CEP192: variants seen among roughly 807,000 people sequenced by gnomAD.
CEP192 encodes centrosomal protein 192.
In CEP192, 151 loss-of-function variants were observed where a neutral mutation model predicts 271.8. The ratio of observed to expected loss-of-function variants is 0.56; its 90% CI spans 0.49 to 0.64. CEP192 has a LOEUF of 0.64. Ranked by LOEUF, CEP192 falls within the 30% of genes least tolerant of loss-of-function variation. CEP192 has a pLI of 0.00. For synonymous variants in CEP192, 995 were observed against 1,076.5 expected, an observed-to-expected ratio of 0.92 and a Z score of 1.48; for missense variants, 2,910 against 3,020.5, an observed-to-expected ratio of 0.96 and a Z score of 0.86.
rs745558971 is a variant in CEP192, at chr18:13,113,634, T to G, written c.7096T>G (p.Trp2366Gly). 6.8e-6 allele frequency: 11 copies of G among 1,613,426 alleles called. No homozygotes were observed. Among genetic ancestry groups the G allele is most frequent in the Non-Finnish European group, 9.3e-6 (11 of 1,179,500 alleles). Residue 2366 changes from tryptophan to glycine, a missense_variant, in exon 41 of 45, where the codon TGG (tryptophan) becomes GGG (glycine). Physicochemically the swap from Trp to Gly is radical, Grantham distance 184. Transcript: ENST00000506447. ...AGGTAGGGGGGATTATGCCCAGTTT[T>G]GGGATGTTGAATGTCACCCTCTTAA... ...PRGRGDYAQF[W>G]DVECHPLKEP...
chr18:13,067,892 C>G lies in CEP192; in HGVS notation c.4550C>G (p.Ala1517Gly). The G allele has an allele frequency of 2.5e-6, 4 of 1,612,220 alleles. No individual in the cohort carries two copies. Among genetic ancestry groups the G allele is most frequent in the Non-Finnish European group, 3.4e-6 (4 of 1,178,342 alleles). The change falls in exon 22 of 45, where the codon GCC (alanine) becomes GGC (glycine). Residue 1517 changes from alanine (A) to glycine (G), a missense_variant. Coordinates refer to ENST00000506447, the MANE Select transcript of CEP192 (RefSeq NM_032142.4). ...FGDLTYGGWK[A>G]LPLKLINRTH... Reference sequence around the variant, plus strand: ...GACTTGACTTATGGAGGCTGGAAAGCCCTCCCACTAAAATTGATAAACCGA... The same window carrying G: ...GACTTGACTTATGGAGGCTGGAAAGGCCTCCCACTAAAATTGATAAACCGA...
At chr18:13,019,985 A>G (rs2034892905) in intron 9 of CEP192, among the ~76,000 whole-genome samples, 1 of 151,784 alleles carries the variant, frequency 6.6e-6, no homozygotes, top group Non-Finnish European at 1.5e-5. Flanking sequence ...TAATTTTTGT[A>G]TTTTTAGTAG....
intron 12 of CEP192, 131 bp from the exon 13 acceptor site, chr18:13,038,237 ATT>A: frequency 1.1e-5 from 6 of 570,036 alleles, no homozygotes; most frequent in African/African-American, 2.0e-5. Flanking sequence ...AGTTTGTCCA[ATT>A]TTTTTTTTGT....
At position 12,999,410 on chromosome 18, in the gene CEP192, T is replaced by C. The variant is rs1404118388; in HGVS notation, c.-4-11T>C. 2.0e-6 allele frequency: 3 copies of C among 1,513,850 alleles called. No homozygotes were observed. The highest frequency in any genetic ancestry group is 2.7e-6 in the Non-Finnish European group (3 of 1,127,508). The allele number at this position is 1,513,850 out of a possible 1,614,324, so 93.8% of individuals were successfully genotyped here. On this transcript the variant is annotated splice_polypyrimidine_tract_variant and intron_variant, in intron 1 of 44. Coordinates refer to ENST00000506447, the MANE Select transcript of CEP192 (RefSeq NM_032142.4). ...AATATGTGACCTATAGAAATACTTT[T>C]GTTATTGCAGTGAGATGGAAGATTT...
At position 13,025,534 on chromosome 18, in the gene CEP192, C is replaced by A. The variant is rs146842892; in HGVS notation, c.1051-4129C>A. 5.9e-3 allele frequency among the ~76,000 whole-genome samples: 902 copies of A among 152,234 alleles called. 9 individuals are homozygous for A. The highest frequency in any genetic ancestry group is 0.021 in the African/African-American group (867 of 41,524). On this transcript the variant is annotated intron_variant, in intron 9 of 44. Coordinates refer to ENST00000506447, the MANE Select transcript of CEP192 (RefSeq NM_032142.4). ...GCCTGGTCTCTTTGTGGTCTTAATT[C>A]AGCATTTTATATGATTCCATTTTCT...
chr18:13,091,688 A>G (rs564544770), intron 33 of CEP192, among the ~76,000 whole-genome samples: 1 of 152,294 alleles, frequency 6.6e-6, no homozygotes, highest in African/African-American at 2.4e-5. Context: ...TTCCATGTCA[A>G]AATATATGAC....
At chr18:13,067,714 A>T in intron 21 of CEP192, 117 bp from the exon 22 acceptor site, 1 of 721,784 alleles carries the variant, frequency 1.4e-6, no homozygotes. Flanking sequence ...AAATGTAGGT[A>T]AGTTTTACTT....
At position 13,019,820 on chromosome 18, in the gene CEP192, T is replaced by C. The variant is rs183168326; in HGVS notation, c.1050+614T>C. Among the ~76,000 whole-genome samples the C allele has an allele frequency of 7.9e-5, 12 of 152,078 alleles. No individual in the cohort carries two copies. The East Asian group carries it at 2.3e-3, about 29-fold the overall frequency. On this transcript the variant is annotated intron_variant, in intron 9 of 44. Transcript: ENST00000506447. ...ATACATATAAAATTTACTATCTTAA[T>C]CTTTTTTTTTTTTCTTTTTGAGACA...
chr18:13,045,151 C>T (rs2036407339), intron 15 of CEP192, among the ~76,000 whole-genome samples: 1 of 152,006 alleles, frequency 6.6e-6, no homozygotes, highest in African/African-American at 2.4e-5. Flanking sequence ...TTAATCTCAC[C>T]AGATACTTTC....
intron 3 of CEP192, among the ~76,000 whole-genome samples, chr18:13,003,189 C>T (rs2033756359): frequency 6.6e-6 from 1 of 152,060 alleles, no homozygotes; most frequent in Non-Finnish European, 1.5e-5. Context: ...TGGCTCTTGC[C>T]TGTAATCCCA....
intron 9 of CEP192, among the ~76,000 whole-genome samples, chr18:13,021,322 T>G (rs958325074): frequency 6.6e-6 from 1 of 152,226 alleles, no homozygotes; most frequent in Non-Finnish European, 1.5e-5. Context: ...CTAACATCAT[T>G]CTTTTGCATG....
At chr18:13,009,128 G>A (rs1191096504) in intron 4 of CEP192, among the ~76,000 whole-genome samples, 12 of 151,814 alleles carry the variant, frequency 7.9e-5, no homozygotes, top group Non-Finnish European at 1.3e-4. Flanking sequence ...GAGTAGCTGG[G>A]ACTGGATGCA....
intron 44 of CEP192, among the ~76,000 whole-genome samples, chr18:13,119,106 T>G (rs979992541): frequency 6.6e-6 from 1 of 152,204 alleles, no homozygotes; most frequent in African/African-American, 2.4e-5. Context: ...TTGGAACTAC[T>G]AAAATACATG....
intron 30 of CEP192, among the ~76,000 whole-genome samples, chr18:13,080,496 A>C (rs992995388): frequency 2.0e-5 from 3 of 152,190 alleles, no homozygotes; most frequent in African/African-American, 7.2e-5. Flanking sequence ...TTGTATCCTG[A>C]GACTTTGCTG....
intron 3 of CEP192, among the ~76,000 whole-genome samples, chr18:13,006,969 C>T (rs1384461855): frequency 1.3e-5 from 2 of 152,156 alleles, no homozygotes; most frequent in Non-Finnish European, 2.9e-5. Context: ...GGTGGGTGCT[C>T]CTGCCATGCT....
At chr18:13,074,400 T>G (rs1227131560) in intron 30 of CEP192, among the ~76,000 whole-genome samples, 1 of 152,212 alleles carries the variant, frequency 6.6e-6, no homozygotes, top group Non-Finnish European at 1.5e-5. Flanking sequence ...TCTGACGATC[T>G]GATTTTGTGT....
intron 21 of CEP192, among the ~76,000 whole-genome samples, chr18:13,062,228 CT>C (rs79663535): frequency 0.13 from 20,487 of 152,090 alleles, 1,526 homozygotes; most frequent in East Asian, 0.31. Context: ...TAAAAGCTGC[CT>C]TCTTGGAGGA....
At chr18:13,059,449 T>A in intron 21 of CEP192, 137 bp downstream of exon 21, 1 of 639,750 alleles carries the variant, frequency 1.6e-6, no homozygotes, top group Non-Finnish European at 2.7e-6. Flanking sequence ...CTTTGGTTCT[T>A]AATATCTTTT....
chr18:13,033,174 A>C (rs1218917889), intron 11 of CEP192, among the ~76,000 whole-genome samples: 1 of 152,252 alleles, frequency 6.6e-6, no homozygotes, highest in Non-Finnish European at 1.5e-5. Flanking sequence ...CAAACTGAGA[A>C]TAAAAGATTT....
Sources: gnomAD v4.1 joint callset for allele counts (sites outside exome capture counted in the v4.1 genomes callset) on GRCh38, gnomAD v4.1.1 for gene constraint, MANE v1.5 for transcripts, NCBI Gene and HGNC (gene_info 2026-07-23, HGNC 2026-07-21) for gene names.